The following FAM185A variants were observed in gnomAD, a reference collection of about 807,000 sequenced individuals.
The protein encoded by FAM185A is protein FAM185A.
Under a neutral mutation model 45.7 loss-of-function variants are expected in FAM185A, and 21 were observed. The ratio of observed to expected loss-of-function variants is 0.46; its 90% CI spans 0.33 to 0.66. The LOEUF is 0.66. Ranked by LOEUF, FAM185A falls within the 30% of genes least tolerant of loss-of-function variation. FAM185A has a pLI of 0.03. For missense variants in FAM185A, 305 were observed against 485.4 expected, an observed-to-expected ratio of 0.63 and a Z score of 3.49; for synonymous variants, 117 against 194.0, an observed-to-expected ratio of 0.60 and a Z score of 3.30.
chr7:102,850,568 A>T, the FAM185A span, among the ~76,000 whole-genome samples: 21 of 152,308 alleles, frequency 1.4e-4, no homozygotes, highest in African/African-American at 5.1e-4. Context: ...CATAGATAAA[A>T]CTTTGTATAA....
In FAM185A at chr7:102,808,581, GC is replaced by G. The variant is rs1469488215; in HGVS notation, c.*180del. 1.8e-6 allele frequency: 1 copy of G among 569,762 alleles called. No homozygotes were observed. Among genetic ancestry groups the G allele is most frequent in the Non-Finnish European group, 3.1e-6 (1 of 319,414 alleles). The allele number at this position is 569,762 out of a possible 1,614,324, so 35.3% of individuals were successfully genotyped here. A position where few individuals can be genotyped will look rare whatever the true frequency, so the allele number is the denominator to read the frequency against. On this transcript the variant is annotated 3_prime_UTR_variant, in exon 8 of 8. Coordinates refer to ENST00000413034, the MANE Select transcript of FAM185A (RefSeq NM_001145268.2). Reference sequence around the variant, plus strand: ...TTTGCTATTGTATTCATTTTCTACTGCTCTGTAACAAATTACCACAAATTTA... The same window carrying G: ...TTTGCTATTGTATTCATTTTCTACTGTCTGTAACAAATTACCACAAATTTA...
chr7:102,828,467 T>C, the FAM185A span, among the ~76,000 whole-genome samples: 1 of 152,142 alleles, frequency 6.6e-6, no homozygotes, highest in African/African-American at 2.4e-5. Flanking sequence ...ACTAAGAAAA[T>C]AAAGGTTGAA....
intron 6 of FAM185A, among the ~76,000 whole-genome samples, chr7:102,780,875 G>A (rs765043823): frequency 2.0e-5 from 3 of 152,168 alleles, no homozygotes; most frequent in Non-Finnish European, 2.9e-5. Flanking sequence ...CACCTCACCC[G>A]GGAAGCGCAA....
the FAM185A span, among the ~76,000 whole-genome samples, chr7:102,831,640 A>G: frequency 9.2e-5 from 14 of 152,272 alleles, no homozygotes; most frequent in African/African-American, 3.4e-4. Context: ...CTCTTAACCC[A>G]GTTCCAAAGG....
At chr7:102,822,589 G>A in the FAM185A span, 1 of 375,418 alleles carries the variant, frequency 2.7e-6, no homozygotes, top group Non-Finnish European at 5.2e-6. Context: ...GTGGGAGTTA[G>A]GGTTTCAACA....
At chr7:102,837,201 G>A in the FAM185A span, among the ~76,000 whole-genome samples, 3 of 152,196 alleles carry the variant, frequency 2.0e-5, no homozygotes, top group Non-Finnish European at 4.4e-5. Context: ...AGTGGGACTG[G>A]TCATGGCCTG....
downstream of FAM185A, chr7:102,813,244 A>T: frequency 9.2e-7 from 1 of 1,089,706 alleles, no homozygotes; most frequent in Non-Finnish European, 1.3e-6. Flanking sequence ...TTGCTTGTTT[A>T]CATTGTTATT....
rs567170192 is a variant in FAM185A at position 102,787,988 on chromosome 7, A to T, written c.1066+519A>T. ...GGTTGGTTTTTTTGTTGTTTGAGAC[A>T]GAGTCTTACTCTATTGCCCATACTG... On this transcript the variant is annotated intron_variant, in intron 7 of 7. Coordinates refer to ENST00000413034, the MANE Select transcript of FAM185A (RefSeq NM_001145268.2). 7.1e-3 allele frequency among the ~76,000 whole-genome samples: 1,075 copies of T among 152,190 alleles called. 9 individuals are homozygous for T. Among genetic ancestry groups the T allele is most frequent in the African/African-American group, 0.024 (1,013 of 41,534 alleles).
the FAM185A span, among the ~76,000 whole-genome samples, chr7:102,814,637 C>T: frequency 6.6e-6 from 1 of 152,228 alleles, no homozygotes; most frequent in Non-Finnish European, 1.5e-5. Flanking sequence ...AAAACTTCTA[C>T]AAACTTAAAG....
intron 7 of FAM185A, among the ~76,000 whole-genome samples, chr7:102,803,992 C>G (rs1726141427): frequency 6.6e-6 from 1 of 152,126 alleles, no homozygotes; most frequent in Non-Finnish European, 1.5e-5. Context: ...TGAAAGACCT[C>G]TACAAGGAAA....
chr7:102,806,887 G>C (rs1424095186), intron 7 of FAM185A, among the ~76,000 whole-genome samples: 1 of 152,060 alleles, frequency 6.6e-6, no homozygotes, highest in African/African-American at 2.4e-5. Context: ...TGAGCTTCTG[G>C]GGAGACGGGG....
chr7:102,842,609 G>A, the FAM185A span, among the ~76,000 whole-genome samples: 1 of 152,216 alleles, frequency 6.6e-6, no homozygotes, highest in Non-Finnish European at 1.5e-5. Flanking sequence ...AGTTCTTGCT[G>A]TTAGAGCACA....
chr7:102,789,008 G>C (rs191610285), intron 7 of FAM185A, among the ~76,000 whole-genome samples: 1 of 152,184 alleles, frequency 6.6e-6, no homozygotes, highest in African/African-American at 2.4e-5. Context: ...AGTGGTGAGT[G>C]CATGTGAAGG....
intron 3 of FAM185A, among the ~76,000 whole-genome samples, chr7:102,760,235 T>A (rs1794027733): frequency 6.6e-6 from 1 of 152,022 alleles, no homozygotes; most frequent in Non-Finnish European, 1.5e-5. Context: ...TATATATTCA[T>A]AATAACTAAG....
downstream of FAM185A, among the ~76,000 whole-genome samples, chr7:102,809,977 C>G (rs1005977728): frequency 6.6e-6 from 1 of 152,138 alleles, no homozygotes; most frequent in Non-Finnish European, 1.5e-5. Context: ...CTCTCTCTTG[C>G]TCCTGCTCTT....
At chr7:102,810,616 C>T (rs1202476020), downstream of FAM185A, among the ~76,000 whole-genome samples, 3 of 151,732 alleles carry the variant, frequency 2.0e-5, no homozygotes, top group Non-Finnish European at 4.4e-5. Context: ...TTTTTTCAGA[C>T]GAGGTCTCAC....
In FAM185A at chr7:102,806,562, TG is replaced by T. The variant is rs1797124443; in HGVS notation, c.1067-1727del. Among the ~76,000 whole-genome samples the T allele has an allele frequency of 6.1e-5, 3 of 49,148 alleles. No individual in the cohort carries two copies. The African/African-American group carries it at 6.8e-4, about 11-fold the overall frequency. 32.2% of individuals were successfully genotyped at this position (49,148 alleles called of 152,430 possible). On this transcript the variant is annotated intron_variant, in intron 7 of 7. Transcript: ENST00000413034. ...ACCCAAGTTTTTGTTTGTTTGTTTG[TG>T]TTTTTTTGTTTTAAATTTTTGTGCT...
At chr7:102,806,563 G>A (rs75680294) in intron 7 of FAM185A, among the ~76,000 whole-genome samples, 1 of 126,440 alleles carries the variant, frequency 7.9e-6, no homozygotes, top group African/African-American at 3.3e-5. Context: ...GTTTGTTTGT[G>A]TTTTTTTGTT....
chr7:102,841,485 G>A, the FAM185A span, among the ~76,000 whole-genome samples: 2 of 152,216 alleles, frequency 1.3e-5, no homozygotes, highest in Non-Finnish European at 1.5e-5. Context: ...GAGTGGGCAA[G>A]AAGCCAGGAC....
Sources: gnomAD v4.1 joint callset for allele counts (sites outside exome capture counted in the v4.1 genomes callset) on GRCh38, gnomAD v4.1.1 for gene constraint, MANE v1.5 for transcripts, NCBI Gene and HGNC (gene_info 2026-07-23, HGNC 2026-07-21) for gene names.